ZMYM6: variants seen among roughly 807,000 people sequenced by gnomAD.
The protein encoded by ZMYM6 is zinc finger MYM-type containing 6, also known as zinc finger MYM-type protein 6.
Under a neutral mutation model 134.0 loss-of-function variants are expected in ZMYM6, and 90 were observed. The ratio of observed to expected loss-of-function variants is 0.67; its 90% CI spans 0.57 to 0.80. The LOEUF is 0.80. Ranked by LOEUF, ZMYM6 falls within the 30% of genes least tolerant of loss-of-function variation. ZMYM6 has a pLI of 0.00. For missense variants in ZMYM6, 1,362 were observed against 1,533.9 expected, an observed-to-expected ratio of 0.89 and a Z score of 1.87; for synonymous variants, 481 against 524.1, an observed-to-expected ratio of 0.92 and a Z score of 1.12.
chr1:35,014,708 C>T lies in ZMYM6; in HGVS notation c.784G>A (p.Ala262Thr), dbSNP rs759201841. ...QKVFSSTSVTAYKQNSAQIPP... is the reference protein window; with the variant it reads ...QKVFSSTSVTTYKQNSAQIPP... ...ATAGATATTCATACCTGCTTGTATG[C>T]CGTGACACTTGTTGAACTAAAAACC... The change falls in exon 6 of 16, where the codon GCA (alanine) becomes ACA (threonine). Residue 262 changes from alanine (A) to threonine (T), a missense_variant. This residue lies in a region of ZMYM6 where 503 missense variants were observed against 520.8 expected (regional missense o/e 0.97). Coordinates refer to ENST00000357182, the MANE Select transcript of ZMYM6 (RefSeq NM_007167.4). 1 of 1,613,650 alleles carries T rather than the reference C, an allele frequency of 6.2e-7. No homozygotes were observed. The highest frequency in any genetic ancestry group is 8.5e-7 in the Non-Finnish European group (1 of 1,179,802).
Position 35,012,521 on chromosome 1 carries a change from T to A in ZMYM6, c.856A>T (p.Ile286Phe). Residue 286 changes from isoleucine (I) to phenylalanine (F), a missense_variant, in exon 7 of 16, where the codon ATT becomes TTT. Around this residue, in one of 3 missense-constraint regions of ZMYM6, gnomAD observed 503 missense variants for 520.8 expected, o/e 0.97. Transcript: ENST00000357182. ...GKSLRPSAEM[I>F]ETTNDSGKTE... The stretch of plus-strand genomic sequence containing the variant: ...TTTCCTGAATCATTTGTAGTCTCAA[T>A]CATTTCAGCTGAGGGCCTCAATGAC... The A allele has an allele frequency of 6.2e-7, 1 of 1,613,364 alleles. No individual in the cohort carries two copies. Among genetic ancestry groups the A allele is most frequent in the Non-Finnish European group, 8.5e-7 (1 of 1,179,754 alleles).
At position 35,010,466 on chromosome 1, in the gene ZMYM6, A is replaced by C. The variant is rs1641065770; in HGVS notation, c.1473T>G (p.Asp491Glu). The change falls in exon 10 of 16, where the codon GAT becomes GAG. Residue 491 changes from aspartate to glutamate, a missense_variant. Transcript: ENST00000357182. ...IKETVRFSGV[D>E]KPFCSEVCKF... is the part of the protein sequence containing the mutation. ...CTTTACCTTCACTACAGAATGGCTT[A>C]TCAACCCCTGAGAATCGCACAGTCT... 6.2e-7 allele frequency: 1 copy of C among 1,612,734 alleles called. No homozygotes were observed. The highest frequency in any genetic ancestry group is 1.3e-5 in the African/African-American group (1 of 74,798).
chr1:35,015,085 G>A lies in ZMYM6; in HGVS notation c.506C>T (p.Ser169Leu), dbSNP rs548670114. The A allele has an allele frequency of 6.8e-6, 11 of 1,614,046 alleles. No individual in the cohort carries two copies. Among genetic ancestry groups the A allele is most frequent in the Admixed American group, 6.7e-5 (4 of 59,966 alleles). ...SYPSKDFCSQ[S>L]CLSSYELKKK... ...CTTTAGCTCATAAGATGACAAGCAT[G>A]ATTGGCTGCAGAAATCTTTGCTAGG... Residue 169 changes from serine (S) to leucine (L), a missense_variant, in exon 5 of 16, where the codon TCA becomes TTA. Physicochemically the swap from Ser to Leu is moderately radical, Grantham distance 145. Around this residue, in one of 3 missense-constraint regions of ZMYM6, gnomAD observed 503 missense variants for 520.8 expected, o/e 0.97. Transcript: ENST00000357182.
chr1:35,031,473 G>A (rs941565375), intron 1 of ZMYM6: 4 of 152,244 alleles, frequency 2.6e-5, no homozygotes, highest in African/African-American at 9.6e-5. Context: ...GGATGGAAAC[G>A]GACAACTGGT....
chr1:35,014,007 A>G (rs1054387052), intron 6 of ZMYM6, among the ~76,000 whole-genome samples: 2 of 152,250 alleles, frequency 1.3e-5, no homozygotes, highest in Admixed American at 1.3e-4. Flanking sequence ...TACTTCTTTA[A>G]GAAAAACTTT....
chr1:35,019,378 T>C lies in ZMYM6; in HGVS notation c.403A>G (p.Lys135Glu), dbSNP rs943735274. The C allele has an allele frequency of 2.5e-6, 4 of 1,614,036 alleles. No homozygotes were observed. In the African/African-American group the frequency reaches 5.3e-5, roughly 22 times the overall value. Reference protein sequence around the residue: ...SSPACLPPPPKKTCTNCSKDI... With the variant: ...SSPACLPPPPEKTCTNCSKDI... Reference sequence around the variant, plus strand: ...TTCGAGCAGTTTGTGCAGGTTTTCTTGGGAGGAGGTGGCAGGCAGGCAGGT... The same window carrying C: ...TTCGAGCAGTTTGTGCAGGTTTTCTCGGGAGGAGGTGGCAGGCAGGCAGGT... Residue 135 changes from lysine (K) to glutamate (E), a missense_variant, in exon 4 of 16, where the codon AAG becomes GAG. Transcript: ENST00000357182.
At chr1:35,019,287 T>C in intron 4 of ZMYM6, 66 bp downstream of exon 4, 2 of 1,601,886 alleles carry the variant, frequency 1.2e-6, no homozygotes, top group Non-Finnish European at 1.7e-6. Context: ...CAACAGTATG[T>C]TTGAACTAAA....
At position 35,007,050 on chromosome 1, in the gene ZMYM6, T is replaced by C; in HGVS notation, c.1714A>G (p.Ile572Val). ...TGTTTAATGTTGCCTCGCCACTTTA[T>C]GGACTCGCTTAGTTTACCCTGTCGT... ...CKRQGKLSES[I>V]KWRGNIKHFC... Residue 572 changes from isoleucine (I) to valine (V), a missense_variant, in exon 12 of 16, where the codon ATA becomes GTA. By Grantham distance (29) the Ile-to-Val change is conservative (BLOSUM62 3). Transcript: ENST00000357182. The C allele has an allele frequency of 6.2e-7, 1 of 1,611,756 alleles. No homozygotes were observed. The highest frequency in any genetic ancestry group is 1.1e-5 in the South Asian group (1 of 90,564).
At chr1:34,992,672 AAAT>A (rs1397661207) in intron 14 of ZMYM6, among the ~76,000 whole-genome samples, 1 of 146,678 alleles carries the variant, frequency 6.8e-6, no homozygotes, top group Non-Finnish European at 1.5e-5. Flanking sequence ...ATAAATATAA[AAAT>A]ATATTTGTAA....
chr1:35,025,264 T>G (rs1227600936), intron 2 of ZMYM6, among the ~76,000 whole-genome samples: 1 of 149,124 alleles, frequency 6.7e-6, no homozygotes, highest in African/African-American at 2.4e-5. Context: ...CAGGTAGAGT[T>G]CGAGACCAGC....
At chr1:35,020,568 CTTTTTTTTT>C (rs942213398) in intron 2 of ZMYM6, 101 bp from the exon 3 acceptor site, 2 of 241,470 alleles carry the variant, frequency 8.3e-6, no homozygotes, top group African/African-American at 3.0e-5. Flanking sequence ...TATTCATCTC[CTTTTTTTTT>C]TTTTTTTTTT....
rs1376906096 is a variant in ZMYM6 at position 35,010,908 on chromosome 1, G to A, written c.1191C>T (p.Ser397=). Residue 397 remains serine, a synonymous_variant, in exon 9 of 16, where the codon TCC becomes TCT. Coordinates refer to ENST00000357182, the MANE Select transcript of ZMYM6 (RefSeq NM_007167.4). ...CAGCAGAGCCACGGATGGAGCTGGG[G>A]GAAACGGCAGAGGTGTTACCTCCTC... ...SIGGGNTSAV[S]PSSIRGSAAA... 4 of 1,613,500 alleles carry A rather than the reference G, an allele frequency of 2.5e-6. No homozygotes were observed. In the African/African-American group the frequency reaches 5.3e-5, roughly 22 times the overall value.
chr1:34,991,536 G>A (rs192252589), intron 15 of ZMYM6, among the ~76,000 whole-genome samples: 77 of 152,160 alleles, frequency 5.1e-4, no homozygotes, highest in African/African-American at 1.7e-3. Flanking sequence ...TTGGGAGGCC[G>A]AGGCAGGCAG....
chr1:35,013,284 T>G (rs535748061), intron 6 of ZMYM6: 1 of 839,940 alleles, frequency 1.2e-6, no homozygotes, highest in African/African-American at 1.8e-5. Flanking sequence ...GCAGAAGAAG[T>G]AGGAAATTAA....
chr1:35,024,348 C>T (rs2148461012), intron 2 of ZMYM6, among the ~76,000 whole-genome samples: 1 of 152,316 alleles, frequency 6.6e-6, no homozygotes, highest in East Asian at 1.9e-4. Flanking sequence ...GGAAGCCCTA[C>T]ATCTCCAAGT....
intron 14 of ZMYM6, 173 bp downstream of exon 14, chr1:35,003,795 G>T: frequency 1.7e-6 from 1 of 580,266 alleles, no homozygotes; most frequent in Non-Finnish European, 3.1e-6. Context: ...GCCGAAATAT[G>T]GTCAAAAGCC....
chr1:35,025,493 G>GAA (rs999388016), intron 2 of ZMYM6, among the ~76,000 whole-genome samples: 1 of 121,922 alleles, frequency 8.2e-6, no homozygotes, highest in African/African-American at 3.0e-5. Context: ...AAAAAAGAAA[G>GAA]AAAAAAAAAA....
rs1210341904 is a variant in ZMYM6, at chr1:35,010,498, T to C, written c.1441A>G (p.Ile481Val). Residue 481 changes from isoleucine (I) to valine (V), a missense_variant, in exon 10 of 16, where the codon ATA becomes GTA. Transcript: ENST00000357182. The stretch of plus-strand genomic sequence containing the variant: ...CCTGAGAATCGCACAGTCTCCTTTA[T>C]AATTTTCTGCAGTTTACAGTAGTCA... ...MCDYCKLQKI[I>V]KETVRFSGVD... The C allele has an allele frequency of 6.2e-7, 1 of 1,613,998 alleles. No individual in the cohort carries two copies. The highest frequency in any genetic ancestry group is 8.5e-7 in the Non-Finnish European group (1 of 1,180,018).
Position 35,019,265 on chromosome 1 carries a change from G to C in ZMYM6, c.428+88C>G, listed in dbSNP as rs752481102. ...TATTTCTACAGATACATGCTGAAGAGATTTAAAGTATCAACAGTATGTTTG... is the reference window on the plus strand; with the variant it reads ...TATTTCTACAGATACATGCTGAAGACATTTAAAGTATCAACAGTATGTTTG... On this transcript the variant is annotated intron_variant, in intron 4 of 15. Transcript: ENST00000357182. The C allele has an allele frequency of 2.6e-6, 4 of 1,561,134 alleles. No individual in the cohort carries two copies. The African/African-American group carries it at 5.5e-5, about 21-fold the overall frequency.
Sources: gnomAD v4.1 joint callset for allele counts (sites outside exome capture counted in the v4.1 genomes callset) on GRCh38, gnomAD v4.1.1 for gene constraint, gnomAD v4.1.1 regional missense constraint, MANE v1.5 for transcripts, NCBI Gene and HGNC (gene_info 2026-07-23, HGNC 2026-07-21) for gene names.